The following RNASEH2B variants were observed in gnomAD, a reference collection of about 807,000 sequenced individuals.
RNASEH2B encodes ribonuclease H2 subunit B.
In RNASEH2B, 36 loss-of-function variants were observed where a neutral mutation model predicts 45.0. The observed-to-expected ratio is 0.80, with a 90% CI of 0.61 to 1.06. The LOEUF (loss-of-function observed/expected upper bound fraction) is 1.06, where lower values mean the gene tolerates loss of function less well. RNASEH2B is among the 50% of genes least tolerant of loss of function. The pLI, the probability that RNASEH2B is intolerant of heterozygous loss-of-function variation, is 0.00. For synonymous variants in RNASEH2B, 119 were observed against 125.7 expected (o/e 0.95, Z 0.35); for missense variants, 361 against 360.3 (o/e 1.00, Z -0.02).
chr13:50,917,871 T>A (rs1206867087), intron 1 of RNASEH2B, among the ~76,000 whole-genome samples: 1 of 152,192 alleles, frequency 6.6e-6, no homozygotes, highest in Non-Finnish European at 1.5e-5. Context: ...CTGGTTGCTC[T>A]CAGTCACCCC....
chr13:50,920,814 C>A (rs1350079033), intron 1 of RNASEH2B, among the ~76,000 whole-genome samples: 1 of 152,040 alleles, frequency 6.6e-6, no homozygotes, highest in African/African-American at 2.4e-5. Flanking sequence ...TTGAACAATT[C>A]ATTTATGTTA....
At chr13:50,966,551 A>T (rs1952166465) in intron 9 of RNASEH2B, among the ~76,000 whole-genome samples, 1 of 151,806 alleles carries the variant, frequency 6.6e-6, no homozygotes, top group South Asian at 2.1e-4. Context: ...GGTTGCCAAC[A>T]TTCTTTTTTA....
downstream of RNASEH2B, chr13:50,956,845 G>T (rs1952057388): frequency 1.7e-6 from 1 of 585,762 alleles, no homozygotes; most frequent in Non-Finnish European, 2.2e-6. Context: ...AGAGAAACTG[G>T]ATTACAAAAC....
At chr13:50,940,258 A>G (rs1012796238) in intron 5 of RNASEH2B, among the ~76,000 whole-genome samples, 3 of 152,228 alleles carry the variant, frequency 2.0e-5, no homozygotes, top group Non-Finnish European at 2.9e-5. Flanking sequence ...CTGGGTAGCC[A>G]TGGGAGAATT....
intron 9 of RNASEH2B, among the ~76,000 whole-genome samples, chr13:50,966,198 AACAC>A (rs367821414): frequency 6.6e-6 from 1 of 152,236 alleles, no homozygotes; most frequent in Admixed American, 6.5e-5. Flanking sequence ...AACACACATA[AACAC>A]ACATATATAC....
At chr13:50,949,204 G>A (rs1951944761) in intron 8 of RNASEH2B, 1 of 406,856 alleles carries the variant, frequency 2.5e-6, no homozygotes, top group Non-Finnish European at 4.4e-6. Context: ...TAAAGAAAAG[G>A]AACTCTGTTC....
intron 9 of RNASEH2B, 24 bp from the exon 10 acceptor site, chr13:50,953,881 C>T (rs1952008006): frequency 1.3e-6 from 2 of 1,489,184 alleles, no homozygotes; most frequent in African/African-American, 1.4e-5. Context: ...CATTTGACAC[C>T]ACTTCACTGC....
rs945393529 is a variant in RNASEH2B, at chr13:50,909,793, T to G, written c.-284T>G. On this transcript the variant is annotated 5_prime_UTR_variant, in exon 1 of 11. Coordinates refer to ENST00000336617, the MANE Select transcript of RNASEH2B (RefSeq NM_024570.4). ...GCGGCGCGCGATGAGCACCTACCACTAGCGGAGCCGCGAGGGAGAGGCCGC... is the reference window on the plus strand; with the variant it reads ...GCGGCGCGCGATGAGCACCTACCACGAGCGGAGCCGCGAGGGAGAGGCCGC... The G allele has an allele frequency of 5.7e-6, 2 of 348,982 alleles. No homozygotes were observed. Among genetic ancestry groups the G allele is most frequent in the South Asian group, 4.8e-5 (1 of 21,008 alleles). 21.6% of individuals were successfully genotyped at this position (348,982 alleles called of 1,614,324 possible).
intron 10 of RNASEH2B, 46 bp from the exon 11 acceptor site, chr13:50,956,312 A>T: frequency 7.0e-7 from 1 of 1,426,268 alleles, no homozygotes; most frequent in Non-Finnish European, 9.7e-7. Context: ...TATGATTAAT[A>T]AATGTTACAT....
intron 7 of RNASEH2B, among the ~76,000 whole-genome samples, chr13:50,946,704 C>T (rs1951904733): frequency 6.6e-6 from 1 of 152,130 alleles, no homozygotes; most frequent in Non-Finnish European, 1.5e-5. Flanking sequence ...TGTTCTAAGT[C>T]TAGTGCTTTT....
intron 1 of RNASEH2B, among the ~76,000 whole-genome samples, chr13:50,925,068 A>G (rs1283647515): frequency 6.6e-6 from 1 of 151,958 alleles, no homozygotes; most frequent in Middle Eastern, 3.2e-3. Flanking sequence ...CCCGTAGTTT[A>G]CTAATACTCT....
In RNASEH2B at chr13:50,929,503, G is replaced by T. The variant is rs1292841062; in HGVS notation, c.165G>T (p.Met55Ile). The T allele has an allele frequency of 1.1e-5, 18 of 1,613,498 alleles. No homozygotes were observed. Among genetic ancestry groups the T allele is most frequent in the Non-Finnish European group, 1.5e-5 (18 of 1,179,618 alleles). The change falls in exon 3 of 11, where the codon ATG (methionine) becomes ATT (isoleucine). Residue 55 changes from methionine (M) to isoleucine (I), a missense_variant. By Grantham distance (10) the Met-to-Ile change is conservative. Transcript: ENST00000336617. ...AAGGAGCCATTTACTTGTTCAATATGTGTCTACAGCAGCTGTTTGAAGTAA... is the reference window on the plus strand; with the variant it reads ...AAGGAGCCATTTACTTGTTCAATATTTGTCTACAGCAGCTGTTTGAAGTAA... Reference protein sequence around the residue: ...SGEGAIYLFNMCLQQLFEVKV... With the variant: ...SGEGAIYLFNICLQQLFEVKV...
intron 1 of RNASEH2B, chr13:50,911,794 T>G (rs1482567216): frequency 6.6e-6 from 1 of 152,212 alleles, no homozygotes; most frequent in Admixed American, 6.5e-5. Context: ...ATTTTCAGAG[T>G]AGGAACTCTA....
intron 6 of RNASEH2B, among the ~76,000 whole-genome samples, chr13:50,944,120 G>A (rs1480846263): frequency 2.0e-5 from 3 of 151,880 alleles, no homozygotes; most frequent in Admixed American, 2.0e-4. Context: ...ATTAAGTATG[G>A]CTCTGTGAAA....
intron 1 of RNASEH2B, among the ~76,000 whole-genome samples, chr13:50,918,322 A>T (rs1044018293): frequency 2.0e-5 from 3 of 152,084 alleles, no homozygotes; most frequent in Non-Finnish European, 2.9e-5. Context: ...TATTTTTAGT[A>T]GACACGGGGT....
chr13:50,970,304 A>G, exon 10 of RNASEH2B: 1 of 488,976 alleles, frequency 2.0e-6, no homozygotes, highest in Non-Finnish European at 3.5e-6. Context: ...TCTTGATTTC[A>G]CCCTGAAAGC....
intron 5 of RNASEH2B, chr13:50,938,430 G>A (rs1346954878): frequency 6.6e-6 from 1 of 150,758 alleles, no homozygotes; most frequent in Admixed American, 6.6e-5. Context: ...TTTTTTTTTG[G>A]TAGGTATTGA....
At chr13:50,921,983 T>C (rs1166490466) in intron 1 of RNASEH2B, among the ~76,000 whole-genome samples, 1 of 152,204 alleles carries the variant, frequency 6.6e-6, no homozygotes, top group South Asian at 2.1e-4. Context: ...TTGGCTAGGA[T>C]AGGCCTGGAT....
At chr13:50,946,421 A>G (rs969777904) in intron 7 of RNASEH2B, among the ~76,000 whole-genome samples, 1 of 152,202 alleles carries the variant, frequency 6.6e-6, no homozygotes. Context: ...ATGTATAGGT[A>G]GTTGGCTACT....
Sources: gnomAD v4.1 joint callset for allele counts (sites outside exome capture counted in the v4.1 genomes callset) on GRCh38, gnomAD v4.1.1 for gene constraint, MANE v1.5 for transcripts, NCBI Gene and HGNC (gene_info 2026-07-23, HGNC 2026-07-21) for gene names.